The following CNKSR3 variants were observed in gnomAD, a reference collection of about 807,000 sequenced individuals.
CNKSR3 encodes the protein CNKSR family member 3.
In CNKSR3, 36 loss-of-function variants were observed where a neutral mutation model predicts 67.7. That is an observed-to-expected ratio of 0.53 (90% confidence interval 0.41 to 0.70). CNKSR3 has a LOEUF of 0.70. Ranked by LOEUF, CNKSR3 falls within the 30% of genes least tolerant of loss-of-function variation. CNKSR3 has a pLI of 0.00. For missense variants in CNKSR3, 630 were observed against 695.2 expected, an observed-to-expected ratio of 0.91 and a Z score of 1.05; for synonymous variants, 281 against 271.4, an observed-to-expected ratio of 1.04 and a Z score of -0.35.
intron 2 of CNKSR3, among the ~76,000 whole-genome samples, chr6:154,444,203 A>G (rs1017399249): frequency 2.6e-5 from 4 of 152,250 alleles, no homozygotes; most frequent in African/African-American, 9.6e-5. Flanking sequence ...CAGAATACTT[A>G]ACATTATTGA....
In CNKSR3 at chr6:154,395,078, A is replaced by C. The variant is rs1271907192; in HGVS notation, c.*11276T>G. The C allele has an allele frequency of 6.6e-6, 1 of 152,272 alleles. No individual in the cohort carries two copies. Among genetic ancestry groups the C allele is most frequent in the Admixed American group, 6.5e-5 (1 of 15,284 alleles). The allele number at this position is 152,272 out of a possible 1,614,324, so 9.4% of individuals were successfully genotyped here. A position where few individuals can be genotyped will look rare whatever the true frequency, so the allele number is the denominator to read the frequency against. On this transcript the variant is annotated 3_prime_UTR_variant, in exon 13 of 13. Transcript: ENST00000607772. ...GTACAGGTGGAAAAGGTCAAGTGGA[A>C]CGGAGGTGCCCAGGGCAGGAGAGCA...
At position 154,438,139 on chromosome 6, in the gene CNKSR3, T is replaced by G. The variant is rs141944757; in HGVS notation, c.507+3153A>C. On this transcript the variant is annotated intron_variant, in intron 4 of 12. Coordinates refer to ENST00000607772, the MANE Select transcript of CNKSR3 (RefSeq NM_173515.4). ...TAATCTTCATAACAATCTTTTGGAG[T>G]AGGTATTATTTTTTAAGTATTTTAT... Among the ~76,000 whole-genome samples the G allele has an allele frequency of 6.2e-3, 938 of 152,192 alleles. 5 individuals are homozygous for G. Among genetic ancestry groups the G allele is most frequent in the Non-Finnish European group, 8.1e-3 (548 of 68,000 alleles).
intron 1 of CNKSR3, among the ~76,000 whole-genome samples, chr6:154,495,254 G>A (rs1255571815): frequency 6.6e-6 from 1 of 152,032 alleles, no homozygotes; most frequent in African/African-American, 2.4e-5. Flanking sequence ...TTGGTATCAA[G>A]GAAGATGTAT....
In CNKSR3 at chr6:154,441,398, C is replaced by T. The variant is rs1274516615; in HGVS notation, c.420-19G>A. On this transcript the variant is annotated intron_variant, in intron 3 of 12. Transcript: ENST00000607772. Reference sequence around the variant, plus strand: ...CGGAGCCCTAGAAGGTAGCAACAATCCTCTTAAAAAGGGGTAGGGAGAATC... The same window carrying T: ...CGGAGCCCTAGAAGGTAGCAACAATTCTCTTAAAAAGGGGTAGGGAGAATC... The T allele has an allele frequency of 3.8e-6, 6 of 1,597,124 alleles. No homozygotes were observed. In the South Asian group the frequency reaches 5.5e-5, roughly 15 times the overall value.
At chr6:154,406,692 G>C in intron 12 of CNKSR3, 40 bp from the exon 13 acceptor site, 2 of 1,548,662 alleles carry the variant, frequency 1.3e-6, no homozygotes, top group Non-Finnish European at 1.8e-6. Flanking sequence ...AATCCCAGCC[G>C]GGCGTGGTGG....
chr6:154,510,174 G>C lies in CNKSR3; in HGVS notation c.-60C>G. 1 of 1,598,928 alleles carries C rather than the reference G, an allele frequency of 6.3e-7. No individual in the cohort carries two copies. Among genetic ancestry groups the C allele is most frequent in the Non-Finnish European group, 8.6e-7 (1 of 1,167,464 alleles). ...TCGCAGATAAAGTGCTGCTGCCTGC[G>C]CTCCGGTGCCCCTTCCCGGGAGGGC... On this transcript the variant is annotated 5_prime_UTR_variant, in exon 1 of 13. Transcript: ENST00000607772.
intron 1 of CNKSR3, among the ~76,000 whole-genome samples, chr6:154,466,158 T>C (rs1241483935): frequency 6.6e-6 from 1 of 152,238 alleles, no homozygotes; most frequent in Non-Finnish European, 1.5e-5. Context: ...ACTTCAAGTT[T>C]TCTGTGTGCC....
At chr6:154,494,621 G>A (rs1786842496) in intron 1 of CNKSR3, among the ~76,000 whole-genome samples, 1 of 152,050 alleles carries the variant, frequency 6.6e-6, no homozygotes, top group Admixed American at 6.5e-5. Context: ...CCTGAGAGAA[G>A]GCATAGAAGA....
chr6:154,411,186 TTCTC>T, intron 10 of CNKSR3, 44 bp from the exon 11 acceptor site: 1 of 1,393,448 alleles, frequency 7.2e-7, no homozygotes, highest in Non-Finnish European at 1.0e-6. Flanking sequence ...TACAAAGATG[TTCTC>T]ATACTGAAGA....
chr6:154,414,609 G>A, intron 9 of CNKSR3, 186 bp from the exon 10 acceptor site: 1 of 692,028 alleles, frequency 1.4e-6, no homozygotes, highest in South Asian at 1.5e-5. Context: ...AGAATGAGCT[G>A]AGGGATTTGA....
In CNKSR3 at chr6:154,510,208, G is replaced by A. The variant is rs1230361461; in HGVS notation, c.-94C>T. 11 of 1,473,856 alleles carry A rather than the reference G, an allele frequency of 7.5e-6. No homozygotes were observed. Among genetic ancestry groups the A allele is most frequent in the African/African-American group, 2.8e-5 (2 of 72,268 alleles). The allele number at this position is 1,473,856 out of a possible 1,614,324, so 91.3% of individuals were successfully genotyped here. A position where few individuals can be genotyped will look rare whatever the true frequency, so the allele number is the denominator to read the frequency against. On this transcript the variant is annotated 5_prime_UTR_variant, in exon 1 of 13. Coordinates refer to ENST00000607772, the MANE Select transcript of CNKSR3 (RefSeq NM_173515.4). ...CCCCTTCCCGGGAGGGCGCGCCCGC[G>A]GCTGCTCCCCTGCGCCCGAGCGACT... is the stretch of plus-strand genomic sequence containing the variant.
chr6:154,406,708 A>C, intron 12 of CNKSR3, 56 bp from the exon 13 acceptor site: 1 of 1,484,072 alleles, frequency 6.7e-7, no homozygotes, highest in Non-Finnish European at 9.1e-7. Context: ...GGTGGCTCAC[A>C]CCTGTAATCT....
At chr6:154,505,642 C>T (rs978842125) in intron 1 of CNKSR3, among the ~76,000 whole-genome samples, 6 of 151,122 alleles carry the variant, frequency 4.0e-5, no homozygotes, top group Non-Finnish European at 7.4e-5. Flanking sequence ...GGACTACAGG[C>T]GCCCACCACC....
intron 1 of CNKSR3, among the ~76,000 whole-genome samples, chr6:154,460,214 C>A (rs1786049939): frequency 6.6e-6 from 1 of 152,222 alleles, no homozygotes; most frequent in Non-Finnish European, 1.5e-5. Context: ...ACATGCAAAT[C>A]TTAAGTCAAC....
Position 154,406,045 on chromosome 6 carries a change from C to T in CNKSR3, c.*309G>A. On this transcript the variant is annotated 3_prime_UTR_variant, in exon 13 of 13. Coordinates refer to ENST00000607772, the MANE Select transcript of CNKSR3 (RefSeq NM_173515.4). The stretch of plus-strand genomic sequence containing the variant: ...AATGCCACCAGTCCCTCACAATGAC[C>T]ATAACGTCTCTGGCCAGGACTGCGA... 1 of 299,870 alleles carries T rather than the reference C, an allele frequency of 3.3e-6. No homozygotes were observed. Among genetic ancestry groups the T allele is most frequent in the Non-Finnish European group, 6.2e-6 (1 of 160,026 alleles). 18.6% of individuals were successfully genotyped at this position (299,870 alleles called of 1,614,324 possible).
intron 1 of CNKSR3, among the ~76,000 whole-genome samples, chr6:154,494,147 G>T (rs992486390): frequency 1.3e-5 from 2 of 151,902 alleles, no homozygotes; most frequent in South Asian, 2.1e-4. Context: ...TAATTGATTC[G>T]CAGTTCCACA....
At chr6:154,496,532 T>C (rs34608681) in intron 1 of CNKSR3, among the ~76,000 whole-genome samples, 16,736 of 152,286 alleles carry the variant, frequency 0.11, 1,069 homozygotes, top group East Asian at 0.18. Context: ...CTATCCTCTA[T>C]AGATAACCAA....
rs1787184121 is a variant in CNKSR3, at chr6:154,510,068, G to C, written c.47C>G (p.Thr16Ser). Residue 16 changes from threonine to serine, a missense_variant, in exon 1 of 13, where the codon ACT (threonine) becomes AGT (serine). Around this residue, in one of 3 missense-constraint regions of CNKSR3, gnomAD observed 189 missense variants for 205.0 expected, o/e 0.92. Coordinates refer to ENST00000607772, the MANE Select transcript of CNKSR3 (RefSeq NM_173515.4). ...CCCCCCCAAGGCCCGCGCACCTCTA[G>C]TCCAGTCCACCACTTGTTTGGGGCT... ...KWSPKQVVDW[T>S]RGLDDCLQQY... 1.2e-6 allele frequency: 2 copies of C among 1,614,004 alleles called. No individual in the cohort carries two copies. Among genetic ancestry groups the C allele is most frequent in the Non-Finnish European group, 1.7e-6 (2 of 1,179,958 alleles).
chr6:154,415,435 TGGCC>T (rs1459011907), intron 9 of CNKSR3, among the ~76,000 whole-genome samples: 2 of 152,018 alleles, frequency 1.3e-5, no homozygotes, highest in Non-Finnish European at 2.9e-5. Context: ...TTTGCCATGT[TGGCC>T]AGGCTGGTCT....
Sources: gnomAD v4.1 joint callset for allele counts (sites outside exome capture counted in the v4.1 genomes callset) on GRCh38, gnomAD v4.1.1 for gene constraint, gnomAD v4.1.1 regional missense constraint, MANE v1.5 for transcripts, NCBI Gene and HGNC (gene_info 2026-07-23, HGNC 2026-07-21) for gene names.